The following ABCA9 variants were observed in gnomAD, a reference collection of about 807,000 sequenced individuals.
The protein encoded by ABCA9 is ATP binding cassette subfamily A member 9, also known as ATP-binding cassette sub-family A member 9.
ABCA9 carries 183 observed loss-of-function variants against 205.3 expected under a neutral mutation model. That is an observed-to-expected ratio of 0.89 (90% CI 0.79 to 1.01). ABCA9 has a LOEUF of 1.01. Ranked by LOEUF, ABCA9 falls within the 50% of genes least tolerant of loss-of-function variation. The pLI is 0.00. For missense variants in ABCA9, 1,805 were observed against 1,912.4 expected, an observed-to-expected ratio of 0.94 and a Z score of 1.05; for synonymous variants, 651 against 683.3, an observed-to-expected ratio of 0.95 and a Z score of 0.74.
rs1190687842 is a variant in ABCA9 at position 69,023,495 on chromosome 17, C to T, written c.2281+719G>A. Reference sequence around the variant, plus strand: ...AGTTTCAATCTCTGCACTTTATTGTCTGGTTCTGTGTTTCTTTATGGACCA... The same window carrying T: ...AGTTTCAATCTCTGCACTTTATTGTTTGGTTCTGTGTTTCTTTATGGACCA... On this transcript the variant is annotated intron_variant, in intron 17 of 38. Coordinates refer to ENST00000340001, the MANE Select transcript of ABCA9 (RefSeq NM_080283.4). This position sits in a 1 kb window ranked among gnomAD's most constrained non-coding sequence, Gnocchi z 4.2. Among the ~76,000 whole-genome samples, 2 of 152,116 alleles carry T rather than the reference C, an allele frequency of 1.3e-5. No homozygotes were observed. The highest frequency in any genetic ancestry group is 4.8e-5 in the African/African-American group (2 of 41,420).
chr17:69,042,322 T>C (rs190116166), intron 6 of ABCA9: 1 of 152,340 alleles, frequency 6.6e-6, no homozygotes, highest in East Asian at 1.9e-4. Context: ...TGCATATTAT[T>C]ATCTACGTTT....
intron 3 of ABCA9, among the ~76,000 whole-genome samples, chr17:69,048,352 C>T (rs2071787417): frequency 6.6e-6 from 1 of 152,190 alleles, no homozygotes; most frequent in African/African-American, 2.4e-5. Context: ...TAGGGGTGCT[C>T]AACCTGTATC....
At position 69,027,115 on chromosome 17, in the gene ABCA9, C is replaced by T. The variant is rs1324716066; in HGVS notation, c.1912-1G>A. ...CAGTCGGTTCATCCAATAGCAAAAC[C>T]TGGACAGGAGGAAAGTCCTAAAGTA... On this transcript the variant is annotated splice_acceptor_variant, in intron 14 of 38. Transcript: ENST00000340001. LOFTEE classifies it high-confidence loss of function. 1.2e-6 allele frequency: 2 copies of T among 1,613,684 alleles called. No homozygotes were observed. The highest frequency in any genetic ancestry group is 2.7e-5 in the African/African-American group (2 of 74,916).
At chr17:69,011,631 C>G (rs538775726) in intron 23 of ABCA9, among the ~76,000 whole-genome samples, 1 of 152,210 alleles carries the variant, frequency 6.6e-6, no homozygotes, top group Middle Eastern at 3.4e-3. Context: ...GGCTTTTAAA[C>G]TGAGTAGCTT....
At chr17:69,077,233 A>AT in the ABCA9 span, among the ~76,000 whole-genome samples, 8 of 152,136 alleles carry the variant, frequency 5.3e-5, no homozygotes, top group East Asian at 3.9e-4. Flanking sequence ...ATTTCAAAAA[A>AT]TTTTTTTTAA....
chr17:68,997,223 G>T (rs185610506), intron 25 of ABCA9, among the ~76,000 whole-genome samples: 30 of 152,328 alleles, frequency 2.0e-4, no homozygotes, highest in Middle Eastern at 3.4e-3. Flanking sequence ...GAGCCATTGA[G>T]CTCGGCCAAA....
At chr17:69,067,077 G>C in the ABCA9 span, among the ~76,000 whole-genome samples, 1 of 151,910 alleles carries the variant, frequency 6.6e-6, no homozygotes. Flanking sequence ...CCGTACTTAT[G>C]GAATAAACTG....
intron 18 of ABCA9, among the ~76,000 whole-genome samples, chr17:69,021,159 T>C (rs2144292228): frequency 6.6e-6 from 1 of 151,610 alleles, no homozygotes; most frequent in East Asian, 1.9e-4. Flanking sequence ...CAAAAATGAA[T>C]AAGAGAGGAA....
Position 69,008,055 on chromosome 17 carries a change from CACTT to C in ABCA9, c.3321+3_3321+6del, listed in dbSNP as rs745504694. 3.6e-5 allele frequency: 58 copies of C among 1,596,162 alleles called. No homozygotes were observed. The highest frequency in any genetic ancestry group is 4.5e-5 in the Non-Finnish European group (53 of 1,169,186). On this transcript the variant is annotated splice_donor_5th_base_variant and intron_variant, in intron 24 of 38. Coordinates refer to ENST00000340001, the MANE Select transcript of ABCA9 (RefSeq NM_080283.4). ...AATAAAACCATTTCAAAATTGCTGC[CACTT>C]ACTTGAATTAACAGGTTTTGAATTA...
chr17:69,003,907 C>T (rs1265390839), intron 25 of ABCA9, among the ~76,000 whole-genome samples: 8 of 152,170 alleles, frequency 5.3e-5, no homozygotes, highest in Non-Finnish European at 7.3e-5. Flanking sequence ...CAGTTGATCA[C>T]GTGGGCTCCT....
At chr17:69,025,327 C>CA (rs1279504921) in intron 16 of ABCA9, among the ~76,000 whole-genome samples, 1 of 152,236 alleles carries the variant, frequency 6.6e-6, no homozygotes, top group East Asian at 1.9e-4. Flanking sequence ...TTGCCTAAGG[C>CA]AACAGTTCAA....
chr17:69,062,916 C>CTT (rs35124943), upstream of ABCA9, among the ~76,000 whole-genome samples: 1 of 151,976 alleles, frequency 6.6e-6, no homozygotes, highest in Admixed American at 6.5e-5. Flanking sequence ...ATAATGTACA[C>CTT]TTTTTTTGGC....
chr17:68,991,072 T>A (rs1342726878), intron 28 of ABCA9, 115 bp from the exon 29 acceptor site: 1 of 1,146,964 alleles, frequency 8.7e-7, no homozygotes, highest in Non-Finnish European at 1.2e-6. Context: ...GAGCACAACA[T>A]CCTCTCTATT....
intron 31 of ABCA9, among the ~76,000 whole-genome samples, chr17:68,988,460 G>T (rs1410580627): frequency 3.9e-5 from 6 of 152,010 alleles, no homozygotes; most frequent in Non-Finnish European, 8.8e-5. Flanking sequence ...ACCCTCAACT[G>T]CTCTATCACT....
At chr17:69,037,678 AT>A (rs1339269225) in intron 6 of ABCA9, among the ~76,000 whole-genome samples, 1 of 152,122 alleles carries the variant, frequency 6.6e-6, no homozygotes, top group Non-Finnish European at 1.5e-5. Context: ...GAGCAAACAA[AT>A]TCAAAAGCTA....
Position 68,989,533 on chromosome 17 carries a change from A to G in ABCA9, c.3955+280T>C, listed in dbSNP as rs1471617625. Among the ~76,000 whole-genome samples the G allele has an allele frequency of 2.0e-5, 3 of 152,180 alleles. No individual in the cohort carries two copies. In the East Asian group the frequency reaches 5.8e-4, roughly 29 times the overall value. ...CCTTCTGTGTAGTATTCGCTGCAAT[A>G]ACATTGTTACCTAAAAACTATACCA... is the stretch of plus-strand genomic sequence containing the variant. On this transcript the variant is annotated intron_variant, in intron 30 of 38. Coordinates refer to ENST00000340001, the MANE Select transcript of ABCA9 (RefSeq NM_080283.4).
Position 69,012,900 on chromosome 17 carries a change from T to C in ABCA9, c.3040-817A>G, listed in dbSNP as rs553578387. 2.6e-5 allele frequency among the ~76,000 whole-genome samples: 4 copies of C among 152,286 alleles called. No homozygotes were observed. In the South Asian group the frequency reaches 6.2e-4, roughly 24 times the overall value. ...TCCCTTTCCCAGCCTCTGGTAACCA[T>C]CATTTGACTACGTCCATGAGTTCAA... On this transcript the variant is annotated intron_variant, in intron 22 of 38. Transcript: ENST00000340001.
At chr17:69,017,830 AAAC>A (rs780719921) in intron 20 of ABCA9, 41 bp from the exon 21 acceptor site, 2 of 1,592,226 alleles carry the variant, frequency 1.3e-6, no homozygotes, top group African/African-American at 1.3e-5. Flanking sequence ...AAATGAAATA[AAAC>A]AATAGTCAAG....
At position 68,976,134 on chromosome 17, in the gene ABCA9, C is replaced by G; in HGVS notation, c.4776+1G>C. On this transcript the variant is annotated splice_donor_variant, in intron 38 of 38. Transcript: ENST00000340001. LOFTEE classifies it high-confidence loss of function. ...ATATAGAATCACTAAAAATGACCCACCTGCTCCAGGGTAGACTGTGAGAGG... is the reference window on the plus strand; with the variant it reads ...ATATAGAATCACTAAAAATGACCCAGCTGCTCCAGGGTAGACTGTGAGAGG... 1 of 1,613,954 alleles carries G rather than the reference C, an allele frequency of 6.2e-7. No homozygotes were observed. Among genetic ancestry groups the G allele is most frequent in the Non-Finnish European group, 8.5e-7 (1 of 1,179,806 alleles).
Sources: gnomAD v4.1 joint callset for allele counts (sites outside exome capture counted in the v4.1 genomes callset) on GRCh38, gnomAD v4.1.1 for gene constraint, Gnocchi (gnomAD v3.1) non-coding constraint, MANE v1.5 for transcripts, NCBI Gene and HGNC (gene_info 2026-07-23, HGNC 2026-07-21) for gene names.